Variants in LRIF1 observed in about 807,000 individuals in gnomAD.
LRIF1 encodes the protein ligand-dependent nuclear receptor-interacting factor 1.
LRIF1 carries 32 observed loss-of-function variants against 52.7 expected under a neutral mutation model. That is an observed-to-expected ratio of 0.61 (90% CI 0.46 to 0.82). LRIF1 has a LOEUF of 0.82. LRIF1 is among the 40% of genes least tolerant of loss of function. LRIF1 has a pLI of 0.00. For missense variants in LRIF1, 887 were observed against 892.0 expected (o/e 0.99, Z 0.07); for synonymous variants, 323 against 317.4 (o/e 1.02, Z -0.19).
the LRIF1 span, chr1:110,938,369 T>C: frequency 1.3e-5 from 2 of 152,216 alleles, 1 homozygote; most frequent in Non-Finnish European, 2.9e-5. Flanking sequence ...CATGACTAAG[T>C]GGGATTTATC....
intron 1 of LRIF1, among the ~76,000 whole-genome samples, chr1:110,956,006 G>A (rs1406288838): frequency 6.6e-6 from 1 of 152,192 alleles, no homozygotes; most frequent in Non-Finnish European, 1.5e-5. Flanking sequence ...GAGATTATGT[G>A]CATTTTCAGG....
At chr1:110,949,150 G>A (rs912284532) in intron 3 of LRIF1, among the ~76,000 whole-genome samples, 10 of 151,806 alleles carry the variant, frequency 6.6e-5, no homozygotes, top group Non-Finnish European at 1.5e-4. Flanking sequence ...ACAGAGTTTC[G>A]TTCTGTTGCC....
the LRIF1 span, among the ~76,000 whole-genome samples, chr1:110,924,620 T>C: frequency 1.3e-5 from 2 of 152,176 alleles, no homozygotes; most frequent in Non-Finnish European, 2.9e-5. Context: ...CATGATTCAA[T>C]TACCTCCACC....
At chr1:110,903,859 G>A in the LRIF1 span, among the ~76,000 whole-genome samples, 1 of 151,248 alleles carries the variant, frequency 6.6e-6, no homozygotes, top group Admixed American at 6.6e-5. Flanking sequence ...ACTCTTGAAC[G>A]GCATCTCTGG....
At chr1:110,936,026 C>T in the LRIF1 span, among the ~76,000 whole-genome samples, 1 of 151,708 alleles carries the variant, frequency 6.6e-6, no homozygotes, top group Admixed American at 6.6e-5. Flanking sequence ...ACTTATAGGC[C>T]AAGAGAGAGT....
intron 1 of LRIF1, among the ~76,000 whole-genome samples, chr1:110,958,538 C>T (rs557114226): frequency 2.0e-5 from 3 of 151,986 alleles, no homozygotes; most frequent in Non-Finnish European, 4.4e-5. Context: ...AATATCCTTC[C>T]AATACCAAGC....
At chr1:110,936,373 A>C in the LRIF1 span, 1 of 152,186 alleles carries the variant, frequency 6.6e-6, no homozygotes, top group East Asian at 1.9e-4. Context: ...AACCAATCAC[A>C]AATAGCAATA....
intron 1 of LRIF1, among the ~76,000 whole-genome samples, chr1:110,953,453 A>G (rs1161736753): frequency 6.6e-6 from 1 of 152,172 alleles, no homozygotes; most frequent in East Asian, 1.9e-4. Context: ...GCAATTATTT[A>G]TATTAGTCAA....
At chr1:110,892,589 C>T in the LRIF1 span, 1 of 1,378,272 alleles carries the variant, frequency 7.3e-7, no homozygotes, top group Non-Finnish European at 1.0e-6. Context: ...GCCTAAATCC[C>T]AGGCAAGATG....
the LRIF1 span, among the ~76,000 whole-genome samples, chr1:110,909,252 T>C: frequency 1.3e-5 from 2 of 152,190 alleles, no homozygotes; most frequent in African/African-American, 4.8e-5. Context: ...GAAAGCCTAA[T>C]ACCTGTCACC....
At chr1:110,961,357 T>G (rs1318418856) in intron 1 of LRIF1, among the ~76,000 whole-genome samples, 1 of 152,234 alleles carries the variant, frequency 6.6e-6, no homozygotes, top group Non-Finnish European at 1.5e-5. Context: ...ACTGTATTGA[T>G]AGTAAGTGGT....
Position 110,951,742 on chromosome 1 carries a change from T to G in LRIF1, c.1142A>C (p.Gln381Pro), listed in dbSNP as rs1466589579. ...GTDVLPSQID[Q>P]QNSVSPDTPV... ...AGTATCAGGAGAAACAGAATTCTGT[T>G]GGTCAATTTGTGATGGCAGAACATC... Residue 381 changes from glutamine to proline, a missense_variant, in exon 2 of 4, where the codon CAA becomes CCA. Coordinates refer to ENST00000369763, the MANE Select transcript of LRIF1 (RefSeq NM_018372.4). 1 of 1,613,518 alleles carries G rather than the reference T, an allele frequency of 6.2e-7. No homozygotes were observed. The highest frequency in any genetic ancestry group is 1.3e-5 in the African/African-American group (1 of 74,926).
At position 110,948,367 on chromosome 1, in the gene LRIF1, A is replaced by G. The variant is rs780264484; in HGVS notation, c.1902T>C (p.Thr634=). Residue 634 remains threonine (T), a synonymous_variant, in exon 4 of 4, where the codon ACT becomes ACC. Coordinates refer to ENST00000369763, the MANE Select transcript of LRIF1 (RefSeq NM_018372.4). ...TCTTTATGTGATCCATCTTCTTATT[A>G]GTTTTTGCTTTTCTTTTCTTATCAA... ...QNFDKKRKAK[T]NKKMDHIKKR... is the part of the protein sequence containing the mutation. 6.2e-7 allele frequency: 1 copy of G among 1,612,240 alleles called. No homozygotes were observed. Among genetic ancestry groups the G allele is most frequent in the African/African-American group, 1.3e-5 (1 of 74,896 alleles).
chr1:110,882,706 C>G, the LRIF1 span, among the ~76,000 whole-genome samples: 4 of 152,056 alleles, frequency 2.6e-5, no homozygotes, highest in Middle Eastern at 6.8e-3. Flanking sequence ...CGTGGTATAT[C>G]TCTCCATTAT....
chr1:110,875,142 C>T, the LRIF1 span, among the ~76,000 whole-genome samples: 1 of 152,294 alleles, frequency 6.6e-6, no homozygotes, highest in South Asian at 2.1e-4. Context: ...GCTATGGAGA[C>T]ATTCTAGACC....
the LRIF1 span, among the ~76,000 whole-genome samples, chr1:110,924,590 A>G: frequency 2.0e-5 from 3 of 152,212 alleles, no homozygotes; most frequent in African/African-American, 7.2e-5. Context: ...TCATGAGAAC[A>G]ACATGGAGGA....
chr1:110,886,223 A>T, the LRIF1 span, among the ~76,000 whole-genome samples: 1 of 152,180 alleles, frequency 6.6e-6, no homozygotes, highest in East Asian at 1.9e-4. Context: ...GTCTGCTCTT[A>T]TCCTTACAAT....
the LRIF1 span, among the ~76,000 whole-genome samples, chr1:110,898,757 G>A: frequency 6.6e-6 from 1 of 152,116 alleles, no homozygotes; most frequent in Non-Finnish European, 1.5e-5. Context: ...AGGAAGCTCA[G>A]AGAAAATGAT....
the LRIF1 span, chr1:110,894,344 G>A: frequency 1.2e-6 from 2 of 1,614,056 alleles, no homozygotes; most frequent in South Asian, 2.2e-5. Flanking sequence ...TCCTGCTGCT[G>A]ATTATCCTCC....
Sources: allele counts gnomAD v4.1 joint callset (sites outside exome capture counted in the v4.1 genomes callset), GRCh38; gene constraint gnomAD v4.1.1; transcripts MANE v1.5; gene names NCBI Gene and HGNC (gene_info 2026-07-23, HGNC 2026-07-21).